NCOA7: variants seen among roughly 807,000 people sequenced by gnomAD.
The protein encoded by NCOA7 is 140 kDa estrogen receptor-associated protein.
Under a neutral mutation model 104.3 loss-of-function variants are expected in NCOA7, and 45 were observed. The observed-to-expected ratio is 0.43, with a 90% CI of 0.34 to 0.55. NCOA7 has a LOEUF of 0.55. Among genes scored for constraint, NCOA7 ranks in the 20% least tolerant of loss-of-function variants. NCOA7 has a pLI of 0.02. For missense variants in NCOA7, 1,041 were observed against 1,119.7 expected, an observed-to-expected ratio of 0.93 and a Z score of 1.00; for synonymous variants, 398 against 402.3, an observed-to-expected ratio of 0.99 and a Z score of 0.13.
At chr6:125,915,264 G>A in intron 10 of NCOA7, 69 bp from the exon 11 acceptor site, 1 of 1,577,432 alleles carries the variant, frequency 6.3e-7, no homozygotes, top group Non-Finnish European at 8.7e-7. Context: ...TTTATGTACT[G>A]AAGTCCACAC....
chr6:125,885,368 GA>G, intron 8 of NCOA7, 25 bp downstream of exon 8: 2 of 1,602,020 alleles, frequency 1.2e-6, no homozygotes, highest in Non-Finnish European at 8.5e-7. Context: ...TGTTTACCAG[GA>G]AAAAAGGGGT....
chr6:125,782,480 A>T (rs1409476158), intron 1 of NCOA7, among the ~76,000 whole-genome samples: 1 of 152,170 alleles, frequency 6.6e-6, no homozygotes, highest in African/African-American at 2.4e-5. Context: ...AGTTGTCCTA[A>T]TAATCTCATT....
At chr6:125,877,350 C>T (rs774734668) in intron 4 of NCOA7, among the ~76,000 whole-genome samples, 4 of 152,190 alleles carry the variant, frequency 2.6e-5, no homozygotes, top group Admixed American at 6.5e-5. Context: ...ATTCAAGGCT[C>T]ACCTGGTGGA....
chr6:125,896,971 A>G (rs918161061), intron 10 of NCOA7, among the ~76,000 whole-genome samples: 5 of 152,278 alleles, frequency 3.3e-5, no homozygotes, highest in Non-Finnish European at 5.9e-5. Flanking sequence ...GGATAAACTC[A>G]TTATGTATAA....
intron 2 of NCOA7, among the ~76,000 whole-genome samples, chr6:125,834,806 C>CA (rs1562865337): frequency 6.6e-6 from 1 of 151,952 alleles, no homozygotes; most frequent in South Asian, 2.1e-4. Flanking sequence ...TTTTTAAAGG[C>CA]AAAAAAGAGA....
intron 2 of NCOA7, among the ~76,000 whole-genome samples, chr6:125,832,035 A>G (rs1216704890): frequency 2.0e-5 from 3 of 152,220 alleles, no homozygotes; most frequent in Admixed American, 6.5e-5. Context: ...GGAAGAACAT[A>G]TTACAGACAT....
chr6:125,897,240 G>A (rs945132831), intron 10 of NCOA7, among the ~76,000 whole-genome samples: 1 of 152,220 alleles, frequency 6.6e-6, no homozygotes. Flanking sequence ...CTCCATGGTT[G>A]CCTGGACCAA....
intron 2 of NCOA7, among the ~76,000 whole-genome samples, chr6:125,829,455 GAAGGATGCT>G (rs1778956494): frequency 6.6e-6 from 1 of 152,210 alleles, no homozygotes; most frequent in Non-Finnish European, 1.5e-5. Context: ...TGTTTTAAAT[GAAGGATGCT>G]AATCTTAATG....
At chr6:125,886,713 C>T (rs1784291790) in intron 8 of NCOA7, among the ~76,000 whole-genome samples, 1 of 152,116 alleles carries the variant, frequency 6.6e-6, no homozygotes, top group Non-Finnish European at 1.5e-5. Flanking sequence ...GTATTGTCTT[C>T]AGAACTTCAT....
chr6:125,791,273 A>G (rs1774826057), intron 1 of NCOA7, among the ~76,000 whole-genome samples: 1 of 152,198 alleles, frequency 6.6e-6, no homozygotes, highest in Admixed American at 6.5e-5. Context: ...GCGGGGGCGA[A>G]GGAGAGATTG....
intron 2 of NCOA7, among the ~76,000 whole-genome samples, chr6:125,848,907 C>G (rs112052974): frequency 1.1e-4 from 17 of 152,252 alleles, no homozygotes; most frequent in Middle Eastern, 3.4e-3. Flanking sequence ...TCAGAGAAAG[C>G]TGTGAAATGG....
chr6:125,829,412 T>C (rs1425412495), intron 2 of NCOA7, among the ~76,000 whole-genome samples: 1 of 152,250 alleles, frequency 6.6e-6, no homozygotes, highest in Non-Finnish European at 1.5e-5. Flanking sequence ...AGTATAGTTA[T>C]CCTGTTTTAA....
At chr6:125,803,459 T>C (rs1259679334) in intron 1 of NCOA7, among the ~76,000 whole-genome samples, 1 of 152,184 alleles carries the variant, frequency 6.6e-6, no homozygotes. Context: ...CTTACTGAAT[T>C]GAAGAAAATT....
chr6:125,781,816 T>G (rs1232578047), intron 1 of NCOA7, among the ~76,000 whole-genome samples: 1 of 152,256 alleles, frequency 6.6e-6, no homozygotes, highest in Non-Finnish European at 1.5e-5. Flanking sequence ...CTTCTGTATC[T>G]CCCAGAAATA....
At chr6:125,846,400 A>C (rs773052945) in intron 2 of NCOA7, among the ~76,000 whole-genome samples, 43 of 150,878 alleles carry the variant, frequency 2.8e-4, no homozygotes, top group Non-Finnish European at 5.2e-4. Flanking sequence ...ACTTTAACAC[A>C]TTTCCTACTC....
intron 1 of NCOA7, among the ~76,000 whole-genome samples, chr6:125,783,126 C>T (rs1475820697): frequency 6.6e-6 from 1 of 152,162 alleles, no homozygotes; most frequent in African/African-American, 2.4e-5. Flanking sequence ...TGACTTTAGC[C>T]CACTGAGACT....
intron 3 of NCOA7, among the ~76,000 whole-genome samples, chr6:125,863,154 A>G (rs539458943): frequency 7.2e-6 from 1 of 139,026 alleles, no homozygotes; most frequent in Admixed American, 6.8e-5. Context: ...GTAGTTAGGG[A>G]GCATGAATGT....
At chr6:125,880,692 C>G (rs1217678987) in intron 5 of NCOA7, among the ~76,000 whole-genome samples, 3 of 151,906 alleles carry the variant, frequency 2.0e-5, no homozygotes, top group Non-Finnish European at 2.9e-5. Context: ...CCATGCCCAG[C>G]TAAATTTTTT....
chr6:125,927,693 A>C lies in NCOA7; in HGVS notation c.2554A>C (p.Lys852Gln). 1 of 1,614,026 alleles carries C rather than the reference A, an allele frequency of 6.2e-7. No homozygotes were observed. The highest frequency in any genetic ancestry group is 8.5e-7 in the Non-Finnish European group (1 of 1,179,990). The change falls in exon 14 of 16, where the codon AAG becomes CAG. Residue 852 changes from lysine (K) to glutamine (Q), a missense_variant. Around this residue, in one of 2 missense-constraint regions of NCOA7, gnomAD observed 127 missense variants for 177.0 expected, o/e 0.72. Coordinates refer to ENST00000392477, the MANE Select transcript of NCOA7 (RefSeq NM_181782.5). ...IFGAYATHPF[K>Q]FSDHYYGTGE... The stretch of plus-strand genomic sequence containing the variant: ...TGGAGCATATGCAACTCATCCTTTC[A>C]AGTTCAGTGACCACTATTATGGCAC...
Sources: gnomAD v4.1 joint callset for allele counts (sites outside exome capture counted in the v4.1 genomes callset) on GRCh38, gnomAD v4.1.1 for gene constraint, gnomAD v4.1.1 regional missense constraint, MANE v1.5 for transcripts, NCBI Gene and HGNC (gene_info 2026-07-23, HGNC 2026-07-21) for gene names.